SLC2A12: variants seen among roughly 807,000 people sequenced by gnomAD.
SLC2A12 encodes solute carrier family 2 member 12.
Under a neutral mutation model 41.8 loss-of-function variants are expected in SLC2A12, and 23 were observed. The ratio of observed to expected loss-of-function variants is 0.55; its 90% CI spans 0.40 to 0.78. The LOEUF (loss-of-function observed/expected upper bound fraction) is 0.78, where lower values mean the gene tolerates loss of function less well. Among genes scored for constraint, SLC2A12 ranks in the 30% least tolerant of loss-of-function variants. The pLI is 0.00. For synonymous variants in SLC2A12, 295 were observed against 285.9 expected (o/e 1.03, Z -0.32); for missense variants, 654 against 745.6 (o/e 0.88, Z 1.43).
chr6:134,014,190 A>T (rs952254160), intron 2 of SLC2A12, among the ~76,000 whole-genome samples: 1 of 152,186 alleles, frequency 6.6e-6, no homozygotes. Context: ...TTAGATTCTC[A>T]TAAGGAGCAT....
At chr6:133,993,811 A>T (rs1776652191) in intron 4 of SLC2A12, among the ~76,000 whole-genome samples, 1 of 152,166 alleles carries the variant, frequency 6.6e-6, no homozygotes, top group African/African-American at 2.4e-5. Flanking sequence ...CACGATCTGG[A>T]GCCTTGAGCA....
chr6:134,028,924 C>T lies in SLC2A12; in HGVS notation c.901G>A (p.Ala301Thr), dbSNP rs751918183. 1 of 1,614,216 alleles carries T rather than the reference C, an allele frequency of 6.2e-7. No homozygotes were observed. The highest frequency in any genetic ancestry group is 1.7e-5 in the Admixed American group (1 of 60,028). The change falls in exon 2 of 5, where the codon GCA (alanine) becomes ACA (threonine). Residue 301 changes from alanine to threonine, a missense_variant. Coordinates refer to ENST00000275230, the MANE Select transcript of SLC2A12 (RefSeq NM_145176.3). The stretch of plus-strand genomic sequence containing the variant: ...CCAACTGACTTCAAAACAGTTGATG[C>T]ATAGAACAATATGTTTGGTTGGCCA... ...ITGQPNILFY[A>T]STVLKSVGFQ...
intron 2 of SLC2A12, among the ~76,000 whole-genome samples, chr6:134,027,594 C>T (rs986183392): frequency 3.9e-5 from 6 of 151,930 alleles, no homozygotes; most frequent in East Asian, 3.9e-4. Context: ...TCTAGTGAGG[C>T]GTACAAAAGA....
At chr6:134,037,640 A>G (rs897966983) in intron 1 of SLC2A12, among the ~76,000 whole-genome samples, 2 of 152,006 alleles carry the variant, frequency 1.3e-5, no homozygotes, top group Non-Finnish European at 2.9e-5. Context: ...ATGAGCCACT[A>G]CACCCGGCCA....
At position 134,028,411 on chromosome 6, in the gene SLC2A12, C is replaced by G; in HGVS notation, c.1414G>C (p.Val472Leu). ...WLSLASLLVY[V>L]AAFSIGLGPM... Reference sequence around the variant, plus strand: ...CCTAGACCAATTGAAAAAGCAGCAACATAAACAAGCAAGCTGGCTAAGGAC... The same window carrying G: ...CCTAGACCAATTGAAAAAGCAGCAAGATAAACAAGCAAGCTGGCTAAGGAC... The change falls in exon 2 of 5, where the codon GTT becomes CTT. Residue 472 changes from valine to leucine, a missense_variant. Physicochemically the swap from Val to Leu is conservative, Grantham distance 32. Coordinates refer to ENST00000275230, the MANE Select transcript of SLC2A12 (RefSeq NM_145176.3). 6.2e-7 allele frequency: 1 copy of G among 1,613,372 alleles called. No homozygotes were observed. Among genetic ancestry groups the G allele is most frequent in the Non-Finnish European group, 8.5e-7 (1 of 1,179,674 alleles).
chr6:133,989,126 T>C lies in SLC2A12; in HGVS notation c.*2029A>G, dbSNP rs1474486257. 6.6e-6 allele frequency: 1 copy of C among 152,184 alleles called. No homozygotes were observed. Among genetic ancestry groups the C allele is most frequent in the Admixed American group, 6.5e-5 (1 of 15,278 alleles). The allele number at this position is 152,184 out of a possible 1,614,324, so 9.4% of individuals were successfully genotyped here. On this transcript the variant is annotated 3_prime_UTR_variant, in exon 5 of 5. Transcript: ENST00000275230. ...AGTGTCCATGGGTAATTCGCTAACC[T>C]TAACAAAGATGGGAAGAAGTGAGTG...
chr6:133,991,106 C>T lies in SLC2A12; in HGVS notation c.*49G>A, dbSNP rs770111353. On this transcript the variant is annotated 3_prime_UTR_variant, in exon 5 of 5. Coordinates refer to ENST00000275230, the MANE Select transcript of SLC2A12 (RefSeq NM_145176.3). ...GCAACTATGCATTGGTCCAAAGACA[C>T]CCTCCTAAGTGTTCTGGCACTATCC... is the stretch of plus-strand genomic sequence containing the variant. The T allele has an allele frequency of 3.2e-6, 5 of 1,564,826 alleles. No individual in the cohort carries two copies. The highest frequency in any genetic ancestry group is 2.0e-5 in the Admixed American group (1 of 49,796).
At position 133,987,963 on chromosome 6, in the gene SLC2A12, G is replaced by A. The variant is rs1323721522; in HGVS notation, c.*3192C>T. 1 of 152,104 alleles carries A rather than the reference G, an allele frequency of 6.6e-6. No individual in the cohort carries two copies. The highest frequency in any genetic ancestry group is 6.6e-5 in the Admixed American group (1 of 15,248). The allele number at this position is 152,104 out of a possible 1,614,324, so 9.4% of individuals were successfully genotyped here. On this transcript the variant is annotated 3_prime_UTR_variant, in exon 5 of 5. Transcript: ENST00000275230. ...ATTTGGACCTTTGTTTTTCTGGAAA[G>A]ACTCAACACCTGTAGTTGTAGAGAA...
chr6:134,033,771 T>C (rs1455390073), intron 1 of SLC2A12, among the ~76,000 whole-genome samples: 3 of 152,134 alleles, frequency 2.0e-5, no homozygotes, highest in Non-Finnish European at 2.9e-5. Flanking sequence ...AGATGGAAAA[T>C]ACTGTGTCCC....
At chr6:134,050,899 G>C (rs150390144) in intron 1 of SLC2A12, among the ~76,000 whole-genome samples, 1 of 152,086 alleles carries the variant, frequency 6.6e-6, no homozygotes, top group African/African-American at 2.4e-5. Flanking sequence ...AGGCCATATT[G>C]AAAGATGACC....
rs556008100 is a variant in SLC2A12, at chr6:134,028,740, C to T, written c.1085G>A (p.Gly362Asp). 5 of 1,614,102 alleles carry T rather than the reference C, an allele frequency of 3.1e-6. No individual in the cohort carries two copies. In the South Asian group the frequency reaches 4.4e-5, roughly 14 times the overall value. The stretch of plus-strand genomic sequence containing the variant: ...CATGTGGATGTTGAGATTTACGATG[C>T]CCATGGTCACCAACGAAGCTGCCAT... ...SVMAASLVTM[G>D]IVNLNIHMNF... Residue 362 changes from glycine to aspartate, a missense_variant, in exon 2 of 5, where the codon GGC (glycine) becomes GAC (aspartate). Physicochemically the swap from Gly to Asp is moderately conservative, Grantham distance 94. Around this residue, in one of 3 missense-constraint regions of SLC2A12, gnomAD observed 411 missense variants for 412.1 expected, o/e 1.00. Coordinates refer to ENST00000275230, the MANE Select transcript of SLC2A12 (RefSeq NM_145176.3).
chr6:134,040,643 C>T (rs1314750742), intron 1 of SLC2A12, among the ~76,000 whole-genome samples: 1 of 152,200 alleles, frequency 6.6e-6, no homozygotes, highest in Non-Finnish European at 1.5e-5. Flanking sequence ...CTCACAACCA[C>T]ATCCATAGGC....
In SLC2A12 at chr6:134,028,479, A is replaced by G. The variant is rs1420597985; in HGVS notation, c.1346T>C (p.Ile449Thr). 1 of 1,614,076 alleles carries G rather than the reference A, an allele frequency of 6.2e-7. No homozygotes were observed. Among genetic ancestry groups the G allele is most frequent in the South Asian group, 1.1e-5 (1 of 91,090 alleles). ...TGGGACGTCCCCAGGGTCTGTGACT[A>G]TCTGGTATTCAGTGTGGCTTAATCC... ...NAGLSHTEYQ[I>T]VTDPGDVPAF... The change falls in exon 2 of 5, where the codon ATA becomes ACA. Residue 449 changes from isoleucine to threonine, a missense_variant. Physicochemically the swap from Ile to Thr is moderately conservative, Grantham distance 89. Around this residue, in one of 3 missense-constraint regions of SLC2A12, gnomAD observed 411 missense variants for 412.1 expected, o/e 1.00. Coordinates refer to ENST00000275230, the MANE Select transcript of SLC2A12 (RefSeq NM_145176.3).
Position 134,052,521 on chromosome 6 carries a change from GC to G in SLC2A12, c.-42del. 1 of 1,522,696 alleles carries G rather than the reference GC, an allele frequency of 6.6e-7. No homozygotes were observed. 94.3% of individuals were successfully genotyped at this position (1,522,696 alleles called of 1,614,324 possible). A position where few individuals can be genotyped will look rare whatever the true frequency, so the allele number is the denominator to read the frequency against. ...ACAGCCGCTTCCCCGCCACCAAACC[GC>G]CCCGACCACCCCCGCTCCCAGGAGT... is the stretch of plus-strand genomic sequence containing the variant. On this transcript the variant is annotated 5_prime_UTR_variant, in exon 1 of 5. An upstream open reading frame in the 5' UTR loses its in-frame stop. Coordinates refer to ENST00000275230, the MANE Select transcript of SLC2A12 (RefSeq NM_145176.3).
chr6:134,024,709 T>A (rs1356523965), intron 2 of SLC2A12, among the ~76,000 whole-genome samples: 1 of 152,202 alleles, frequency 6.6e-6, no homozygotes, highest in African/African-American at 2.4e-5. Context: ...TGCGTGAGAT[T>A]TTTAAATGTA....
intron 1 of SLC2A12, among the ~76,000 whole-genome samples, chr6:134,033,286 C>CT (rs1486797760): frequency 6.6e-6 from 1 of 152,002 alleles, no homozygotes; most frequent in Non-Finnish European, 1.5e-5. Flanking sequence ...TGCTGTTTGA[C>CT]TTTTTTGGCA....
chr6:134,024,552 TG>T (rs1777088790), intron 2 of SLC2A12, among the ~76,000 whole-genome samples: 1 of 152,236 alleles, frequency 6.6e-6, no homozygotes, highest in Non-Finnish European at 1.5e-5. Context: ...AATTCCCTGC[TG>T]CAATTGCTCA....
At chr6:134,030,941 T>C (rs143053238) in intron 1 of SLC2A12, among the ~76,000 whole-genome samples, 219 of 152,284 alleles carry the variant, frequency 1.4e-3, no homozygotes, top group African/African-American at 5.0e-3. Flanking sequence ...ATGTAGAGAT[T>C]AGTTCTTCAA....
At chr6:134,006,987 T>C (rs1776824162) in intron 2 of SLC2A12, 53 bp from the exon 3 acceptor site, 2 of 1,606,598 alleles carry the variant, frequency 1.2e-6, no homozygotes, top group African/African-American at 2.7e-5. Flanking sequence ...AAAAACCCAT[T>C]GAATCTGAGT....
Sources: allele counts gnomAD v4.1 joint callset (sites outside exome capture counted in the v4.1 genomes callset), GRCh38; gene constraint gnomAD v4.1.1; regional missense constraint gnomAD v4.1.1; transcripts MANE v1.5; gene names NCBI Gene and HGNC (gene_info 2026-07-23, HGNC 2026-07-21).